The following AKAP12 variants were observed in gnomAD, a reference collection of about 807,000 sequenced individuals.
AKAP12 encodes A-kinase anchor protein 12.
A neutral mutation model predicts 79.9 loss-of-function variants in AKAP12; 32 were observed. The ratio of observed to expected loss-of-function variants is 0.40; its 90% CI spans 0.30 to 0.54. The LOEUF is 0.54. AKAP12 is among the 20% of genes least tolerant of loss of function. The pLI is 0.48. For missense variants in AKAP12, 2,074 were observed against 2,177.0 expected (o/e 0.95, Z 0.94); for synonymous variants, 808 against 857.0 (o/e 0.94, Z 1.00).
At chr6:151,331,141 A>G (rs1171260628) in intron 3 of AKAP12, among the ~76,000 whole-genome samples, 1 of 152,226 alleles carries the variant, frequency 6.6e-6, no homozygotes, top group Non-Finnish European at 1.5e-5. Flanking sequence ...GTTTTTGTAC[A>G]TGAAATGATT....
chr6:151,275,712 G>C (rs955185769), intron 2 of AKAP12, among the ~76,000 whole-genome samples: 1 of 152,136 alleles, frequency 6.6e-6, no homozygotes, highest in Non-Finnish European at 1.5e-5. Context: ...GGTTTTTTGG[G>C]ATTATTTTCC....
intron 2 of AKAP12, among the ~76,000 whole-genome samples, chr6:151,256,962 A>ATATATATATATATATATATAT (rs1554319585): frequency 6.6e-6 from 1 of 151,088 alleles, no homozygotes; most frequent in African/African-American, 2.4e-5. Flanking sequence ...ATATATATAT[A>ATATATATATATATATATATAT]AACTTTAAAT....
chr6:151,317,109 A>C (rs1349584269), intron 3 of AKAP12, among the ~76,000 whole-genome samples: 1 of 151,962 alleles, frequency 6.6e-6, no homozygotes, highest in Admixed American at 6.6e-5. Flanking sequence ...TCCATGAGTG[A>C]TCCACTGGAA....
chr6:151,283,329 G>A (rs2114726962), intron 2 of AKAP12, among the ~76,000 whole-genome samples: 1 of 152,288 alleles, frequency 6.6e-6, no homozygotes, highest in South Asian at 2.1e-4. Context: ...GGATTTGAGG[G>A]AGCATGAGGA....
At chr6:151,294,058 C>T (rs1293445950) in intron 2 of AKAP12, among the ~76,000 whole-genome samples, 1 of 152,042 alleles carries the variant, frequency 6.6e-6, no homozygotes, top group African/African-American at 2.4e-5. Flanking sequence ...ACCGCAACCT[C>T]CTCCTCCCAG....
At chr6:151,264,498 C>A (rs1022672869) in intron 2 of AKAP12, among the ~76,000 whole-genome samples, 7 of 150,984 alleles carry the variant, frequency 4.6e-5, no homozygotes, top group Non-Finnish European at 8.9e-5. Flanking sequence ...TGGAGAAACC[C>A]CGTCTCTACT....
rs186469128 is a variant in AKAP12, at chr6:151,333,307, G to T, written c.320-15404G>T. 5.2e-4 allele frequency among the ~76,000 whole-genome samples: 79 copies of T among 152,188 alleles called. 1 individual carries two copies. The East Asian group carries it at 0.015, about 28-fold the overall frequency. ...ATCACTCCCTTCACTCCCAGCAGTG[G>T]GAGTGGGTTGAGCCTCTGGTCTGAG... On this transcript the variant is annotated intron_variant, in intron 3 of 4. Coordinates refer to ENST00000402676, the MANE Select transcript of AKAP12 (RefSeq NM_005100.4).
chr6:151,242,257 TACTA>T (rs1333143877), intron 2 of AKAP12, among the ~76,000 whole-genome samples: 1 of 152,176 alleles, frequency 6.6e-6, no homozygotes, highest in Non-Finnish European at 1.5e-5. Context: ...CTTCAGATCT[TACTA>T]ACTGTTCACC....
chr6:151,353,725 A>C lies in AKAP12; in HGVS notation c.5334A>C (p.Glu1778Asp). ...QKQERESAKS[E>D]LTES The stretch of plus-strand genomic sequence containing the variant: ...AAGAGAGAGAATCTGCAAAGTCAGA[A>C]CTTACAGAATCTTAAAACATCATGC... Residue 1778 changes from glutamate to aspartate, a missense_variant, in exon 4 of 5, where the codon GAA (glutamate) becomes GAC (aspartate). Physicochemically the swap from Glu to Asp is conservative, Grantham distance 45. Transcript: ENST00000402676. 1.9e-6 allele frequency: 3 copies of C among 1,590,082 alleles called. No individual in the cohort carries two copies. The highest frequency in any genetic ancestry group is 2.6e-6 in the Non-Finnish European group (3 of 1,170,004).
Position 151,279,965 on chromosome 6 carries a change from A to G in AKAP12, c.163-25782A>G, listed in dbSNP as rs553994689. Among the ~76,000 whole-genome samples, 398 of 152,192 alleles carry G rather than the reference A, an allele frequency of 2.6e-3. 1 individual carries two copies. The highest frequency in any genetic ancestry group is 0.01 in the Middle Eastern group (3 of 288). On this transcript the variant is annotated intron_variant, in intron 2 of 4. Coordinates refer to ENST00000402676, the MANE Select transcript of AKAP12 (RefSeq NM_005100.4). Reference sequence around the variant, plus strand: ...TGTGCAAATGCCACCATATAAGAAAAAAGTTCCTTCATTCCCTCTTGTCTT... The same window carrying G: ...TGTGCAAATGCCACCATATAAGAAAGAAGTTCCTTCATTCCCTCTTGTCTT...
intron 4 of AKAP12, among the ~76,000 whole-genome samples, chr6:151,355,236 G>A (rs541841423): frequency 6.9e-4 from 104 of 151,448 alleles, no homozygotes; most frequent in South Asian, 3.8e-3. Context: ...TGATCTGCCC[G>A]CCTCGGCCTC....
intron 2 of AKAP12, among the ~76,000 whole-genome samples, chr6:151,283,954 G>A (rs1004016624): frequency 6.6e-6 from 1 of 152,188 alleles, no homozygotes; most frequent in African/African-American, 2.4e-5. Flanking sequence ...CCTGCCTCCA[G>A]CTTGCTCTCC....
Position 151,353,082 on chromosome 6 carries a change from C to G in AKAP12, c.4691C>G (p.Thr1564Arg). Residue 1564 changes from threonine (T) to arginine (R), a missense_variant, in exon 4 of 5, where the codon ACA becomes AGA. Physicochemically the swap from Thr to Arg is moderately conservative, Grantham distance 71. This residue lies in a region of AKAP12 where 614 missense variants were observed against 665.6 expected (regional missense o/e 0.92). Transcript: ENST00000402676. ...ACAGCCGTTGACCAGTTTGTACGTA[C>G]AGAAGAAACAGCCACCGAAATGTTG... ...IQTAVDQFVR[T>R]EETATEMLTS... 6.2e-7 allele frequency: 1 copy of G among 1,614,130 alleles called. No individual in the cohort carries two copies. Among genetic ancestry groups the G allele is most frequent in the Non-Finnish European group, 8.5e-7 (1 of 1,180,032 alleles).
In AKAP12 at chr6:151,351,677, G is replaced by T; in HGVS notation, c.3286G>T (p.Val1096Leu). ...GAAAGAGACGGATGTAGTGTTGAAA[G>T]TAGATGCTCAGGAGGCAAAAACTGA... The part of the protein sequence containing the change: ...LKKETDVVLK[V>L]DAQEAKTEPF... The change falls in exon 4 of 5, where the codon GTA (valine) becomes TTA (leucine). Residue 1096 changes from valine to leucine, a missense_variant. By Grantham distance (32) the Val-to-Leu change is conservative. Around this residue, in one of 3 missense-constraint regions of AKAP12, gnomAD observed 1,428 missense variants for 1,451.0 expected, o/e 0.98. Coordinates refer to ENST00000402676, the MANE Select transcript of AKAP12 (RefSeq NM_005100.4). This position sits in a 1 kb window ranked among gnomAD's most constrained non-coding sequence, Gnocchi z 4.4. 6.2e-7 allele frequency: 1 copy of T among 1,614,144 alleles called. No individual in the cohort carries two copies. The highest frequency in any genetic ancestry group is 8.5e-7 in the Non-Finnish European group (1 of 1,180,040).
At chr6:151,309,979 A>G (rs1487046963) in intron 3 of AKAP12, among the ~76,000 whole-genome samples, 1 of 152,064 alleles carries the variant, frequency 6.6e-6, no homozygotes, top group Non-Finnish European at 1.5e-5. Context: ...GATGAAAAAA[A>G]AAAAAAGAAA....
chr6:151,267,014 CAAA>C (rs34974747), intron 2 of AKAP12, among the ~76,000 whole-genome samples: 104 of 35,330 alleles, frequency 2.9e-3, no homozygotes, highest in African/African-American at 4.6e-3. Flanking sequence ...GACTCCATCT[CAAA>C]AAAAAAAAAA....
chr6:151,333,441 G>T (rs1464345227), intron 3 of AKAP12, among the ~76,000 whole-genome samples: 1 of 152,148 alleles, frequency 6.6e-6, no homozygotes, highest in African/African-American at 2.4e-5. Flanking sequence ...CAACCAGCAT[G>T]CAGGGAGCAT....
Position 151,259,341 on chromosome 6 carries a change from C to A in AKAP12, c.162+18617C>A, listed in dbSNP as rs571717562. 1.5e-4 allele frequency among the ~76,000 whole-genome samples: 23 copies of A among 151,200 alleles called. No homozygotes were observed. In the South Asian group the frequency reaches 2.3e-3, roughly 15 times the overall value. ...GATTACAGGTGTGAGCCACGGCGCC[C>A]GGCCTATATTTTTTAAAATAACATA... On this transcript the variant is annotated intron_variant, in intron 2 of 4. Transcript: ENST00000402676.
intron 2 of AKAP12, among the ~76,000 whole-genome samples, chr6:151,274,484 A>C (rs1349567559): frequency 6.6e-6 from 1 of 152,182 alleles, no homozygotes; most frequent in Non-Finnish European, 1.5e-5. Context: ...GATTTCGTTA[A>C]AGTGTATCAG....
Sources: gnomAD v4.1 joint callset for allele counts (sites outside exome capture counted in the v4.1 genomes callset) on GRCh38, gnomAD v4.1.1 for gene constraint, gnomAD v4.1.1 regional missense constraint, Gnocchi (gnomAD v3.1) non-coding constraint, MANE v1.5 for transcripts, NCBI Gene and HGNC (gene_info 2026-07-23, HGNC 2026-07-21) for gene names.